The following ACTR3C variants were observed in gnomAD, a reference collection of about 807,000 sequenced individuals.
ACTR3C encodes the protein actin related protein 3C.
ACTR3C carries 18 observed loss-of-function variants against 26.3 expected under a neutral mutation model. The observed-to-expected ratio is 0.68, with a 90% CI of 0.47 to 1.01. The LOEUF is 1.01. Ranked by LOEUF, ACTR3C falls within the 50% of genes least tolerant of loss-of-function variation. ACTR3C has a pLI of 0.00. For missense variants in ACTR3C, 184 were observed against 250.7 expected (o/e 0.73, Z 1.80); for synonymous variants, 55 against 94.5 (o/e 0.58, Z 2.42).
chr7:150,043,223 T>A, the ACTR3C span, among the ~76,000 whole-genome samples: 2 of 151,014 alleles, frequency 1.3e-5, no homozygotes, highest in Non-Finnish European at 3.0e-5. Context: ...GAACACCTCA[T>A]ACCCACAGTC....
chr7:150,053,723 T>C, the ACTR3C span, among the ~76,000 whole-genome samples: 27,149 of 151,772 alleles, frequency 0.18, 1,872 homozygotes, highest in African/African-American at 0.22. Flanking sequence ...CAGTGTCAAC[T>C]CATCAAATCC....
chr7:150,039,703 GA>G, the ACTR3C span, among the ~76,000 whole-genome samples: 1 of 146,536 alleles, frequency 6.8e-6, no homozygotes, highest in Non-Finnish European at 1.5e-5. Context: ...AGCCGGGGGG[GA>G]AGAGGGTCTG....
the ACTR3C span, among the ~76,000 whole-genome samples, chr7:150,041,888 C>G: frequency 2.2e-5 from 3 of 138,464 alleles, no homozygotes; most frequent in South Asian, 2.5e-4. Flanking sequence ...CCTCCCCCTC[C>G]TGCGATGGGG....
chr7:150,140,050 A>T, the ACTR3C span, among the ~76,000 whole-genome samples: 1 of 152,230 alleles, frequency 6.6e-6, no homozygotes, highest in East Asian at 1.9e-4. Context: ...ACTCGCACAC[A>T]CATGCACACA....
At chr7:150,083,120 A>T in the ACTR3C span, among the ~76,000 whole-genome samples, 1 of 149,606 alleles carries the variant, frequency 6.7e-6, no homozygotes, top group Non-Finnish European at 1.5e-5. Context: ...TAAGTTTTTG[A>T]ATTTTCTTTT....
the ACTR3C span, among the ~76,000 whole-genome samples, chr7:150,136,141 T>G: frequency 6.6e-6 from 1 of 152,200 alleles, no homozygotes; most frequent in Non-Finnish European, 1.5e-5. Flanking sequence ...ATTTGGGGTT[T>G]GGAGCCAGGC....
chr7:149,985,215 C>CACACACACAT, the ACTR3C span, among the ~76,000 whole-genome samples: 20 of 134,858 alleles, frequency 1.5e-4, no homozygotes, highest in African/African-American at 5.3e-4. Context: ...GCAACACACA[C>CACACACACAT]ACACACACAC....
At chr7:149,945,137 T>A in the ACTR3C span, among the ~76,000 whole-genome samples, 1 of 151,554 alleles carries the variant, frequency 6.6e-6, no homozygotes, top group East Asian at 1.9e-4. Flanking sequence ...GAGCATGATG[T>A]TAATAGGAGG....
At chr7:150,259,874 C>T (rs1401947526) in intron 6 of ACTR3C, among the ~76,000 whole-genome samples, 1 of 152,190 alleles carries the variant, frequency 6.6e-6, no homozygotes, top group African/African-American at 2.4e-5. Flanking sequence ...GGATTCCTCA[C>T]CAGGGCACCT....
the ACTR3C span, among the ~76,000 whole-genome samples, chr7:150,092,023 G>T: frequency 8.0e-5 from 5 of 62,788 alleles, no homozygotes; most frequent in Non-Finnish European, 1.3e-4. Context: ...AAAAAAAAAA[G>T]AAATAATATT....
At chr7:150,293,440 C>G (rs1725574782) in intron 2 of ACTR3C, 21 bp from the exon 3 acceptor site, 9 of 1,548,700 alleles carry the variant, frequency 5.8e-6, no homozygotes, top group Admixed American at 2.1e-5. Context: ...GACATGAAAA[C>G]CGCTCGCACA....
At chr7:150,036,733 G>C in the ACTR3C span, among the ~76,000 whole-genome samples, 1 of 137,936 alleles carries the variant, frequency 7.2e-6, no homozygotes, top group Non-Finnish European at 1.7e-5. Context: ...GTTCGGACCC[G>C]TCGGATCGTA....
the ACTR3C span, among the ~76,000 whole-genome samples, chr7:150,031,763 CG>C: frequency 9.2e-5 from 14 of 152,276 alleles, no homozygotes; most frequent in Admixed American, 9.2e-4. Context: ...TAACTGCTTA[CG>C]TAGTGGTATT....
At chr7:150,285,107 C>T (rs1397432644) in intron 5 of ACTR3C, among the ~76,000 whole-genome samples, 1 of 152,048 alleles carries the variant, frequency 6.6e-6, no homozygotes, top group Non-Finnish European at 1.5e-5. Flanking sequence ...CCACCCCCAC[C>T]CCATGAATAC....
the ACTR3C span, among the ~76,000 whole-genome samples, chr7:150,160,060 G>T: frequency 9.5e-3 from 1,453 of 152,216 alleles, 30 homozygotes; most frequent in African/African-American, 0.033. Context: ...CTCCCAAAGT[G>T]CTGGGGTTAC....
At chr7:150,322,536 T>C (rs572106000) in intron 1 of ACTR3C, 1 of 152,282 alleles carries the variant, frequency 6.6e-6, no homozygotes, top group African/African-American at 2.4e-5. Flanking sequence ...CATCATGAAA[T>C]ACTCTATATG....
chr7:150,020,791 A>G, the ACTR3C span, among the ~76,000 whole-genome samples: 3 of 151,952 alleles, frequency 2.0e-5, no homozygotes, highest in Non-Finnish European at 2.9e-5. Context: ...TATTTTTTAT[A>G]TGGAACTATT....
At chr7:150,158,806 ACACACACAGGCACACACATG>A in the ACTR3C span, among the ~76,000 whole-genome samples, 743 of 152,126 alleles carry the variant, frequency 4.9e-3, 6 homozygotes, top group African/African-American at 0.017. Context: ...ACACACACGC[ACACACACAGGCACACACATG>A]CACACACAGG....
the ACTR3C span, among the ~76,000 whole-genome samples, chr7:150,037,161 C>CA: frequency 2.8e-5 from 1 of 36,294 alleles, no homozygotes; most frequent in Non-Finnish European, 5.6e-5. Flanking sequence ...TGCCTCCCCC[C>CA]CTGTGATGGG....
Sources: allele counts gnomAD v4.1 joint callset (sites outside exome capture counted in the v4.1 genomes callset), GRCh38; gene constraint gnomAD v4.1.1; transcripts MANE v1.5; gene names NCBI Gene and HGNC (gene_info 2026-07-23, HGNC 2026-07-21).